The following CCDC30 variants were observed in gnomAD, a reference collection of about 807,000 sequenced individuals.
The protein encoded by CCDC30 is coiled-coil domain-containing protein 30.
A neutral mutation model predicts 100.2 loss-of-function variants in CCDC30; 70 were observed. The ratio of observed to expected loss-of-function variants is 0.70; its 90% CI spans 0.58 to 0.85. CCDC30 has a LOEUF of 0.85. CCDC30 is among the 40% of genes least tolerant of loss of function. The pLI, the probability that CCDC30 is intolerant of heterozygous loss-of-function variation, is 0.00. For synonymous variants in CCDC30, 233 were observed against 269.5 expected, an observed-to-expected ratio of 0.86 and a Z score of 1.33; for missense variants, 652 against 771.2, an observed-to-expected ratio of 0.85 and a Z score of 1.83.
chr1:42,611,440 T>A (rs907303484), intron 11 of CCDC30, among the ~76,000 whole-genome samples: 2 of 152,054 alleles, frequency 1.3e-5, no homozygotes, highest in Non-Finnish European at 2.9e-5. Context: ...AAGAGCTTTT[T>A]TATTTTTTAT....
At position 42,553,654 on chromosome 1, in the gene CCDC30, C is replaced by CACACAA. The variant is rs1203182325; in HGVS notation, c.457-12637_457-12636insAACACA. ...CTGGGTGACAAGGTGAGATTCCATA[C>CACACAA]ACACACACACACACACACACACACA... On this transcript the variant is annotated intron_variant, in intron 6 of 16. Coordinates refer to ENST00000668663, the Ensembl canonical transcript of CCDC30. 2.8e-3 allele frequency among the ~76,000 whole-genome samples: 288 copies of CACACAA among 101,186 alleles called. 1 individual carries two copies. Among genetic ancestry groups the CACACAA allele is most frequent in the Middle Eastern group, 0.014 (3 of 210 alleles). 66.4% of individuals were successfully genotyped at this position (101,186 alleles called of 152,430 possible).
Position 42,480,567 on chromosome 1 carries a change from G to A in CCDC30, c.15+1G>A, listed in dbSNP as rs536707253. 1.4e-4 allele frequency: 138 copies of A among 978,442 alleles called. No homozygotes were observed. The African/African-American group carries it at 2.3e-3, about 16-fold the overall frequency. 60.6% of individuals were successfully genotyped at this position (978,442 alleles called of 1,614,324 possible). ...TCCTCCCAAAATGCTGGAATTACAG[G>A]TGAGCCACCACACCCAGGCAAAATG... On this transcript the variant is annotated splice_donor_variant, in intron 2 of 16. Transcript: ENST00000668663. LOFTEE classifies it high-confidence loss of function.
chr1:42,484,356 G>T (rs535514531), intron 3 of CCDC30, among the ~76,000 whole-genome samples: 1 of 152,186 alleles, frequency 6.6e-6, no homozygotes, highest in East Asian at 1.9e-4. Flanking sequence ...AAATAAATTT[G>T]GTCACATGAA....
intron 10 of CCDC30, among the ~76,000 whole-genome samples, chr1:42,608,010 C>T (rs72959628): frequency 0.043 from 6,458 of 151,900 alleles, 442 homozygotes; most frequent in African/African-American, 0.14. Context: ...TGTCTGTAAT[C>T]CAGCCTCTAG....
Position 42,549,797 on chromosome 1 carries a change from G to A in CCDC30, c.457-16499G>A, listed in dbSNP as rs547343404. On this transcript the variant is annotated intron_variant, in intron 6 of 16. Transcript: ENST00000668663. ...GTTGGAATTCCAATAGCAGCCCCAA[G>A]CTTATAGAGCCCAGCTGATCTCAGC... Among the ~76,000 whole-genome samples, 100 of 152,312 alleles carry A rather than the reference G, an allele frequency of 6.6e-4. 2 individuals carry two copies. Among genetic ancestry groups the A allele is most frequent in the Middle Eastern group, 3.4e-3 (1 of 294 alleles).
At chr1:42,589,530 G>T in intron 10 of CCDC30, 47 bp downstream of exon 14, 1 of 1,518,674 alleles carries the variant, frequency 6.6e-7, no homozygotes, top group Non-Finnish European at 9.1e-7. Flanking sequence ...ATTCCCATTA[G>T]TAACAGCTAA....
intron 6 of CCDC30, chr1:42,536,528 AAGAG>A (rs372826618): frequency 3.6e-5 from 55 of 1,519,880 alleles, no homozygotes; most frequent in Admixed American, 8.8e-5. Flanking sequence ...GAGTGGTCAA[AAGAG>A]AGAGAGAGAG....
chr1:42,512,071 G>A (rs780256266), intron 6 of CCDC30, among the ~76,000 whole-genome samples: 12 of 152,180 alleles, frequency 7.9e-5, no homozygotes, highest in Non-Finnish European at 1.8e-4. Flanking sequence ...GGGATGGGCC[G>A]AAATAAAGGG....
chr1:42,465,126 C>T (rs543075740), intron 1 of CCDC30, among the ~76,000 whole-genome samples: 1 of 152,230 alleles, frequency 6.6e-6, no homozygotes, highest in East Asian at 1.9e-4. Flanking sequence ...CCTGGGCAAA[C>T]ATGGCAAAAA....
chr1:42,568,271 C>T (rs1172081226), intron 7 of CCDC30, among the ~76,000 whole-genome samples: 7 of 152,112 alleles, frequency 4.6e-5, no homozygotes, highest in Non-Finnish European at 7.4e-5. Context: ...CATGTCACCA[C>T]GCCCAGCTAA....
intron 2 of CCDC30, 145 bp from the exon 3 acceptor site, chr1:42,482,512 CACACAT>C: frequency 2.4e-6 from 1 of 414,008 alleles, no homozygotes; most frequent in Non-Finnish European, 4.1e-6. Context: ...CACAGACACA[CACACAT>C]ACACACACAC....
At chr1:42,456,584 G>T in the CCDC30 span, 2 of 1,494,448 alleles carry the variant, frequency 1.3e-6, no homozygotes, top group Admixed American at 2.5e-5. Context: ...AATGGATCCG[G>T]TAGCCGAGTT....
At chr1:42,484,773 C>CT (rs1257602011) in intron 3 of CCDC30, among the ~76,000 whole-genome samples, 15 of 152,148 alleles carry the variant, frequency 9.9e-5, no homozygotes, top group African/African-American at 3.1e-4. Context: ...CTTTAGCTCT[C>CT]TATCACATCA....
At chr1:42,483,188 G>A (rs1325468756) in intron 3 of CCDC30, among the ~76,000 whole-genome samples, 1 of 152,052 alleles carries the variant, frequency 6.6e-6, no homozygotes, top group Admixed American at 6.5e-5. Context: ...TGCTTCTCCT[G>A]CTCAGTCTTA....
intron 6 of CCDC30, chr1:42,534,064 C>T (rs1447749037): frequency 1.3e-5 from 2 of 152,134 alleles, no homozygotes; most frequent in African/African-American, 2.4e-5. Flanking sequence ...GGTTACTGGG[C>T]TCATTAAGTA....
At chr1:42,646,173 A>G (rs549390444) in exon 15 of CCDC30, 2 of 1,603,672 alleles carry the variant, frequency 1.2e-6, no homozygotes, top group South Asian at 2.2e-5. Flanking sequence ...GGTGGCATAG[A>G]GGCAAGCTGG....
rs568961683 is a variant in CCDC30, at chr1:42,577,959, A to C, written c.846+730A>C. ...CTGGCCCATAGTGATGTTTCAATAGATATAATGTATAGTGATCAGATCAGG... is the reference window on the plus strand; with the variant it reads ...CTGGCCCATAGTGATGTTTCAATAGCTATAATGTATAGTGATCAGATCAGG... On this transcript the variant is annotated intron_variant, in intron 8 of 16. Coordinates refer to ENST00000668663, the Ensembl canonical transcript of CCDC30. Among the ~76,000 whole-genome samples the C allele has an allele frequency of 1.6e-4, 25 of 152,238 alleles. No homozygotes were observed. In the South Asian group the frequency reaches 4.4e-3, roughly 27 times the overall value.
intron 6 of CCDC30, among the ~76,000 whole-genome samples, chr1:42,523,828 A>G (rs570688963): frequency 9.2e-5 from 14 of 152,032 alleles, no homozygotes; most frequent in Non-Finnish European, 1.9e-4. Context: ...TCATATCTTC[A>G]GGTTCACTGA....
At chr1:42,636,854 T>C (rs1199208148) in intron 11 of CCDC30, among the ~76,000 whole-genome samples, 3 of 149,424 alleles carry the variant, frequency 2.0e-5, no homozygotes, top group Non-Finnish European at 3.0e-5. Flanking sequence ...TAGTCCCAGC[T>C]ACTCGGGAGG....
Sources: gnomAD v4.1 joint callset for allele counts (sites outside exome capture counted in the v4.1 genomes callset) on GRCh38, gnomAD v4.1.1 for gene constraint, MANE v1.5 for transcripts, NCBI Gene and HGNC (gene_info 2026-07-23, HGNC 2026-07-21) for gene names.